SPAG6: variants seen among roughly 807,000 people sequenced by gnomAD.
SPAG6 encodes the protein sperm associated antigen 6.
SPAG6 carries 49 observed loss-of-function variants against 58.5 expected under a neutral mutation model. The ratio of observed to expected loss-of-function variants is 0.84; its 90% confidence interval spans 0.67 to 1.06. The LOEUF is 1.06. SPAG6 is among the 50% of genes least tolerant of loss of function. The pLI, the probability that SPAG6 is intolerant of heterozygous loss-of-function variation, is 0.00. For synonymous variants in SPAG6, 233 were observed against 225.6 expected (o/e 1.03, Z -0.29); for missense variants, 560 against 611.3 (o/e 0.92, Z 0.89).
chr10:22,388,720 A>C (rs1564373405), intron 6 of SPAG6, among the ~76,000 whole-genome samples: 1 of 152,132 alleles, frequency 6.6e-6, no homozygotes, highest in Non-Finnish European at 1.5e-5. Flanking sequence ...ATTAAAGTGC[A>C]CTCAGCTAGT....
intron 2 of SPAG6, chr10:22,346,042 C>T: frequency 6.5e-7 from 1 of 1,539,238 alleles, no homozygotes; most frequent in Non-Finnish European, 8.8e-7. Context: ...CTTCATTGCA[C>T]ACAGGCAAGT....
chr10:22,404,594 GC>G (rs1184380708), intron 9 of SPAG6, among the ~76,000 whole-genome samples: 4 of 123,828 alleles, frequency 3.2e-5, no homozygotes, highest in African/African-American at 1.3e-4. Context: ...TGTTCTTTTG[GC>G]TTAGGATTGA....
At chr10:22,396,369 C>G (rs941096444) in intron 8 of SPAG6, among the ~76,000 whole-genome samples, 2 of 152,126 alleles carry the variant, frequency 1.3e-5, no homozygotes, top group Non-Finnish European at 1.5e-5. Flanking sequence ...TTCTCATTTT[C>G]TCTTGCTGCT....
At chr10:22,354,007 A>T (rs979881589) in intron 2 of SPAG6, among the ~76,000 whole-genome samples, 1 of 152,180 alleles carries the variant, frequency 6.6e-6, no homozygotes, top group Non-Finnish European at 1.5e-5. Context: ...CAAGGAGAGG[A>T]GAGTCAGTCA....
chr10:22,346,488 T>TTCTTCTTTCTTCTTCTTCTTCC (rs1836550774), intron 2 of SPAG6, among the ~76,000 whole-genome samples: 2 of 132,336 alleles, frequency 1.5e-5, no homozygotes, highest in Non-Finnish European at 3.0e-5. Context: ...CTTCTTCTTC[T>TTCTTCTTTCTTCTTCTTCTTCC]TCTTCTTCTT....
chr10:22,346,156 C>A, intron 2 of SPAG6: 1 of 1,282,990 alleles, frequency 7.8e-7, no homozygotes, highest in South Asian at 1.4e-5. Flanking sequence ...TTTTGCATGC[C>A]ACCCTGCCTT....
Position 22,364,887 on chromosome 10 carries a change from C to A in SPAG6, c.156C>A (p.Asp52Glu), listed in dbSNP as rs765440197. 1 of 1,612,492 alleles carries A rather than the reference C, an allele frequency of 6.2e-7. No homozygotes were observed. The change falls in exon 3 of 11, where the codon GAC (aspartate) becomes GAA (glutamate). Residue 52 changes from aspartate to glutamate, a missense_variant. Asp to Glu is a conservative substitution (Grantham distance 45). Coordinates refer to ENST00000376624, the MANE Select transcript of SPAG6 (RefSeq NM_012443.4). The part of the protein sequence containing the change: ...VMSLLRTLLL[D>E]VVPTIQQTAA... ...CTTTGCTGAGAACTCTTCTTCTGGA[C>A]GTGGTCCCAACAATTCAACAGACTG...
rs1037213660 is a variant in SPAG6, at chr10:22,407,910, T to C, written c.1315-3121T>C. 8.5e-4 allele frequency among the ~76,000 whole-genome samples: 128 copies of C among 150,938 alleles called. 1 individual carries two copies. Among genetic ancestry groups the C allele is most frequent in the Non-Finnish European group, 1.6e-3 (106 of 67,982 alleles). ...ATTTCATCTTCCATTGCTGATACCC[T>C]TTCTTCCAGTTGATCGCATTGGCTC... On this transcript the variant is annotated intron_variant, in intron 9 of 10. Transcript: ENST00000376624.
In SPAG6 at chr10:22,416,794, G is replaced by A. The variant is rs1004329616; in HGVS notation, c.*106G>A. ...TAAGTATATTCTAGATTTATTTAAT[G>A]GGAAATACCTTTAGATAATATTTTC... On this transcript the variant is annotated 3_prime_UTR_variant, in exon 11 of 11. Transcript: ENST00000376624. 11 of 625,462 alleles carry A rather than the reference G, an allele frequency of 1.8e-5. No homozygotes were observed. Among genetic ancestry groups the A allele is most frequent in the Non-Finnish European group, 3.2e-5 (11 of 345,642 alleles). 38.7% of individuals were successfully genotyped at this position (625,462 alleles called of 1,614,324 possible).
chr10:22,354,807 C>T (rs984955053), intron 2 of SPAG6, among the ~76,000 whole-genome samples: 6 of 151,980 alleles, frequency 3.9e-5, no homozygotes, highest in South Asian at 2.1e-4. Flanking sequence ...GTTAGGAGTT[C>T]GAGACCAGCC....
chr10:22,389,506 C>G (rs983506314), intron 7 of SPAG6, among the ~76,000 whole-genome samples, 194 bp downstream of exon 7: 1 of 152,174 alleles, frequency 6.6e-6, no homozygotes, highest in Non-Finnish European at 1.5e-5. Flanking sequence ...TTTTACTCAG[C>G]GTTTCTCATC....
intron 7 of SPAG6, among the ~76,000 whole-genome samples, chr10:22,390,249 G>C (rs1834156535): frequency 1.3e-5 from 2 of 152,156 alleles, no homozygotes; most frequent in Non-Finnish European, 2.9e-5. Flanking sequence ...AAGGGTCACG[G>C]TAAGGATGTT....
chr10:22,398,142 T>G (rs576180820), intron 8 of SPAG6, among the ~76,000 whole-genome samples: 124 of 152,226 alleles, frequency 8.1e-4, no homozygotes, highest in Non-Finnish European at 1.4e-3. Context: ...CAAGGCAATT[T>G]AATGTGGAAA....
rs544374205 is a variant in SPAG6 at position 22,345,728 on chromosome 10, G to C, written c.31G>C (p.Glu11Gln). The C allele has an allele frequency of 5.1e-5, 82 of 1,612,154 alleles. No individual in the cohort carries two copies. The East Asian group carries it at 1.7e-3, about 33-fold the overall frequency. ...ACCGACTCTCTCTCCCGCAGTGTTC[G>C]AGCAATACCAGAAGGCCAGGACCCA... is the stretch of plus-strand genomic sequence containing the variant. MSQRQVLQVF[E>Q]QYQKARTQFV... Residue 11 changes from glutamate (E) to glutamine (Q), a missense_variant, in exon 2 of 11, where the codon GAG becomes CAG. Transcript: ENST00000376624. This position sits in a 1 kb window ranked among gnomAD's most constrained non-coding sequence, Gnocchi z 6.3.
At chr10:22,354,999 A>T (rs1836828589) in intron 2 of SPAG6, among the ~76,000 whole-genome samples, 1 of 152,228 alleles carries the variant, frequency 6.6e-6, no homozygotes, top group Admixed American at 6.5e-5. Flanking sequence ...GTCTCAAAAA[A>T]AAAAAAAAAG....
intron 2 of SPAG6, among the ~76,000 whole-genome samples, chr10:22,353,913 T>C (rs1394296043): frequency 6.6e-6 from 1 of 152,144 alleles, no homozygotes. Context: ...GAACGTTATG[T>C]GTAAAGGCAC....
At chr10:22,399,647 A>T (rs544890074) in intron 8 of SPAG6, among the ~76,000 whole-genome samples, 2 of 152,342 alleles carry the variant, frequency 1.3e-5, no homozygotes, top group South Asian at 4.1e-4. Flanking sequence ...CACATGAAAG[A>T]TAGTAAAGCT....
chr10:22,387,813 TG>T lies in SPAG6; in HGVS notation c.679-9del. On this transcript the variant is annotated splice_polypyrimidine_tract_variant and intron_variant, in intron 5 of 10. Coordinates refer to ENST00000376624, the MANE Select transcript of SPAG6 (RefSeq NM_012443.4). Reference sequence around the variant, plus strand: ...TGTTTTGTTGTTGTTGTTTTTTTTTTGCTTCACAGCATCAGATCCTTTCAGC... The same window carrying T: ...TGTTTTGTTGTTGTTGTTTTTTTTTTCTTCACAGCATCAGATCCTTTCAGC... 6.3e-7 allele frequency: 1 copy of T among 1,592,476 alleles called. No homozygotes were observed. Among genetic ancestry groups the T allele is most frequent in the Middle Eastern group, 1.7e-4 (1 of 5,892 alleles).
chr10:22,357,749 A>G (rs1207549835), intron 2 of SPAG6, among the ~76,000 whole-genome samples: 1 of 92,430 alleles, frequency 1.1e-5, no homozygotes, highest in Admixed American at 1.6e-4. Flanking sequence ...CCCACCCCAC[A>G]ACAGTCCCCA....
Sources: gnomAD v4.1 joint callset for allele counts (sites outside exome capture counted in the v4.1 genomes callset) on GRCh38, gnomAD v4.1.1 for gene constraint, Gnocchi (gnomAD v3.1) non-coding constraint, MANE v1.5 for transcripts, NCBI Gene and HGNC (gene_info 2026-07-23, HGNC 2026-07-21) for gene names.